RFC3: variants seen among roughly 807,000 people sequenced by gnomAD.
RFC3 encodes A1 38 kDa subunit.
RFC3 carries 41 observed loss-of-function variants against 45.1 expected under a neutral mutation model. The ratio of observed to expected loss-of-function variants is 0.91; its 90% CI spans 0.71 to 1.18. The LOEUF (loss-of-function observed/expected upper bound fraction) is 1.18. RFC3 is among the 50% of genes most tolerant of loss of function. The pLI, the probability that RFC3 is intolerant of heterozygous loss-of-function variation, is 0.00. For synonymous variants in RFC3, 149 were observed against 144.0 expected (o/e 1.03, Z -0.25); for missense variants, 423 against 428.1 (o/e 0.99, Z 0.10).
At chr13:33,880,917 G>T (rs145363584) in intron 8 of RFC3, among the ~76,000 whole-genome samples, 2 of 152,088 alleles carry the variant, frequency 1.3e-5, no homozygotes, top group Admixed American at 6.6e-5. Flanking sequence ...TTAGCTGGAC[G>T]TGGTGGTGGG....
In RFC3 at chr13:33,872,801, C is replaced by CCA. The variant is rs375861349; in HGVS notation, c.879+37585_879+37586insAC. 7.0e-5 allele frequency among the ~76,000 whole-genome samples: 10 copies of CCA among 142,528 alleles called. No homozygotes were observed. In the South Asian group the frequency reaches 1.5e-3, roughly 21 times the overall value. The allele number at this position is 142,528 out of a possible 152,430, so 93.5% of individuals were successfully genotyped here. A position where few individuals can be genotyped will look rare whatever the true frequency, so the allele number is the denominator to read the frequency against. ...AAAAGAAAGAAACCAAACCCCCCCC[C>CCA]CCAAAATACATGGTAGGCACTCAGT... On this transcript the variant is annotated intron_variant, in intron 8 of 8. Transcript: ENST00000434425.
intron 8 of RFC3, among the ~76,000 whole-genome samples, chr13:33,872,993 A>G (rs555197108): frequency 6.6e-6 from 1 of 152,282 alleles, no homozygotes; most frequent in East Asian, 1.9e-4. Flanking sequence ...TAAACAACCT[A>G]GGCCTGTGAC....
At chr13:33,973,090 C>T in the RFC3 span, among the ~76,000 whole-genome samples, 13 of 152,142 alleles carry the variant, frequency 8.5e-5, no homozygotes, top group African/African-American at 3.1e-4. Flanking sequence ...GCCATAGACT[C>T]CTTGCTGTCT....
chr13:33,936,206 C>T (rs1209852310), intron 8 of RFC3, among the ~76,000 whole-genome samples: 1 of 152,056 alleles, frequency 6.6e-6, no homozygotes, highest in East Asian at 1.9e-4. Flanking sequence ...AATCACTGGG[C>T]AGATCATAAT....
downstream of RFC3, among the ~76,000 whole-genome samples, chr13:33,967,527 A>T (rs1641105414): frequency 7.9e-6 from 1 of 127,234 alleles, no homozygotes; most frequent in Admixed American, 1.0e-4. Flanking sequence ...TTGCTCTGTC[A>T]TCCAGGCTGG....
At chr13:33,834,731 G>T (rs930962943) in intron 7 of RFC3, among the ~76,000 whole-genome samples, 2 of 152,026 alleles carry the variant, frequency 1.3e-5, no homozygotes, top group Non-Finnish European at 2.9e-5. Flanking sequence ...CTGGAGAAAA[G>T]AAAAACATAT....
intron 8 of RFC3, among the ~76,000 whole-genome samples, chr13:33,910,980 T>C (rs2082700826): frequency 6.6e-6 from 1 of 151,952 alleles, no homozygotes; most frequent in Non-Finnish European, 1.5e-5. Flanking sequence ...ACACCCATGA[T>C]CCAATCACCT....
At chr13:33,945,174 A>G (rs2082947424) in intron 8 of RFC3, among the ~76,000 whole-genome samples, 1 of 152,092 alleles carries the variant, frequency 6.6e-6, no homozygotes, top group South Asian at 2.1e-4. Flanking sequence ...ATTCTTTCAT[A>G]CTATTATTTC....
intron 8 of RFC3, among the ~76,000 whole-genome samples, chr13:33,933,405 G>A (rs1324424140): frequency 6.6e-6 from 1 of 152,066 alleles, no homozygotes; most frequent in Non-Finnish European, 1.5e-5. Context: ...CTTATTATTG[G>A]CTTAGTGATT....
At chr13:33,886,253 A>G (rs1168596451) in intron 8 of RFC3, among the ~76,000 whole-genome samples, 1 of 152,202 alleles carries the variant, frequency 6.6e-6, no homozygotes, top group East Asian at 1.9e-4. Context: ...AGATTTTAAG[A>G]AAATGAAACC....
intron 4 of RFC3, among the ~76,000 whole-genome samples, chr13:33,828,459 C>G (rs1201033561): frequency 1.3e-5 from 2 of 152,206 alleles, no homozygotes; most frequent in Non-Finnish European, 1.5e-5. Flanking sequence ...GTCTGCTGTT[C>G]TGTCAAACCT....
chr13:33,920,936 C>CA (rs1472162081), intron 8 of RFC3, among the ~76,000 whole-genome samples: 2 of 152,018 alleles, frequency 1.3e-5, no homozygotes, highest in Non-Finnish European at 2.9e-5. Context: ...AATATAGAGG[C>CA]AAATTTATGT....
intron 4 of RFC3, among the ~76,000 whole-genome samples, chr13:33,827,334 T>G (rs1228120456): frequency 6.6e-6 from 1 of 152,146 alleles, no homozygotes; most frequent in Non-Finnish European, 1.5e-5. Context: ...AGAGTAAACA[T>G]GACTTGTCAT....
Position 33,837,072 on chromosome 13 carries a change from C to T in RFC3, c.*777C>T, listed in dbSNP as rs931158558. ...CTTGACAAATTTGTGTGACAGACTC[C>T]GAACAATTCCTTTACTACGAAGTAT... On this transcript the variant is annotated 3_prime_UTR_variant, in exon 9 of 9. Coordinates refer to ENST00000380071, the MANE Select transcript of RFC3 (RefSeq NM_002915.4). 9.2e-6 allele frequency: 9 copies of T among 977,518 alleles called. No individual in the cohort carries two copies. The highest frequency in any genetic ancestry group is 6.2e-5 in the Admixed American group (1 of 16,214). The allele number at this position is 977,518 out of a possible 1,614,324, so 60.6% of individuals were successfully genotyped here.
At chr13:33,834,329 T>TATATATATACACACATAC (rs1300798923) in intron 7 of RFC3, among the ~76,000 whole-genome samples, 27 of 125,084 alleles carry the variant, frequency 2.2e-4, no homozygotes, top group African/African-American at 8.4e-4. Flanking sequence ...TATATATATA[T>TATATATATACACACATAC]ATCTGTACTG....
At chr13:33,867,654 C>G (rs1349896016) in intron 8 of RFC3, among the ~76,000 whole-genome samples, 1 of 152,082 alleles carries the variant, frequency 6.6e-6, no homozygotes, top group African/African-American at 2.4e-5. Context: ...ACAGCTGCCC[C>G]CTACAGGCCA....
chr13:33,844,026 T>A (rs931721448), intron 8 of RFC3, among the ~76,000 whole-genome samples: 9 of 152,338 alleles, frequency 5.9e-5, no homozygotes, highest in Admixed American at 5.2e-4. Context: ...TGTTCTATGT[T>A]GATTGTCTTT....
intron 8 of RFC3, among the ~76,000 whole-genome samples, chr13:33,875,820 C>T (rs1461322594): frequency 2.0e-5 from 3 of 151,982 alleles, no homozygotes; most frequent in African/African-American, 4.8e-5. Flanking sequence ...ACAGACGGGA[C>T]GTGGGCTCAG....
At chr13:33,880,922 G>T (rs1358437613) in intron 8 of RFC3, among the ~76,000 whole-genome samples, 1 of 152,104 alleles carries the variant, frequency 6.6e-6, no homozygotes, top group Admixed American at 6.6e-5. Context: ...TGGACGTGGT[G>T]GTGGGCGCCT....
Sources: allele counts gnomAD v4.1 joint callset (sites outside exome capture counted in the v4.1 genomes callset), GRCh38; gene constraint gnomAD v4.1.1; transcripts MANE v1.5; gene names NCBI Gene and HGNC (gene_info 2026-07-23, HGNC 2026-07-21).